Variants in RAB38 observed in about 807,000 individuals in gnomAD.
RAB38 encodes ras-related protein Rab-38.
RAB38 carries 15 observed loss-of-function variants against 18.4 expected under a neutral mutation model. That is an observed-to-expected ratio of 0.82 (90% CI 0.55 to 1.26). RAB38 has a LOEUF of 1.26. Among genes scored for constraint, RAB38 ranks in the 50% most tolerant of loss-of-function variants. The pLI is 0.00. For missense variants in RAB38, 294 were observed against 267.4 expected (o/e 1.10, Z -0.69); for synonymous variants, 101 against 104.4 (o/e 0.97, Z 0.20).
the RAB38 span, among the ~76,000 whole-genome samples, chr11:88,034,087 A>T: frequency 6.6e-6 from 1 of 152,268 alleles, no homozygotes; most frequent in African/African-American, 2.4e-5. Context: ...GGCAACCACT[A>T]ATCTGTTTTC....
the RAB38 span, among the ~76,000 whole-genome samples, chr11:88,087,253 A>T: frequency 6.6e-6 from 1 of 151,940 alleles, no homozygotes; most frequent in Non-Finnish European, 1.5e-5. Context: ...CTACTCAGGG[A>T]AGAGACCACA....
At chr11:87,920,172 T>C in the RAB38 span, among the ~76,000 whole-genome samples, 1 of 152,064 alleles carries the variant, frequency 6.6e-6, no homozygotes, top group Non-Finnish European at 1.5e-5. Context: ...ATTATTTTCT[T>C]CCTTCTGCTA....
chr11:88,004,103 T>A, the RAB38 span, among the ~76,000 whole-genome samples: 11 of 146,536 alleles, frequency 7.5e-5, no homozygotes, highest in African/African-American at 2.7e-4. Flanking sequence ...TTACTAATTT[T>A]ATGAAACCTC....
chr11:88,133,536 C>T (rs1466136461), intron 2 of RAB38, among the ~76,000 whole-genome samples: 2 of 152,124 alleles, frequency 1.3e-5, no homozygotes, highest in African/African-American at 4.8e-5. Context: ...TCCTGTTACA[C>T]CCTAGACACC....
At chr11:88,084,990 T>A in the RAB38 span, among the ~76,000 whole-genome samples, 6 of 151,860 alleles carry the variant, frequency 4.0e-5, no homozygotes, top group African/African-American at 1.4e-4. Flanking sequence ...TAGAAATAGA[T>A]GATGCCCAAA....
intron 2 of RAB38, among the ~76,000 whole-genome samples, chr11:88,131,171 G>A (rs940047861): frequency 1.3e-5 from 2 of 152,100 alleles, no homozygotes; most frequent in African/African-American, 4.8e-5. Context: ...ATATGGTATT[G>A]TTCAGTTATT....
At chr11:87,823,623 T>A in the RAB38 span, among the ~76,000 whole-genome samples, 246 of 152,322 alleles carry the variant, frequency 1.6e-3, 1 homozygote, top group African/African-American at 5.5e-3. Context: ...TGTCAATTGA[T>A]TTTTGACAAA....
At chr11:87,814,811 G>A in the RAB38 span, among the ~76,000 whole-genome samples, 4 of 150,584 alleles carry the variant, frequency 2.7e-5, no homozygotes, top group Non-Finnish European at 4.4e-5. Context: ...TCGGCTCACC[G>A]CAAGCTCTGC....
At chr11:88,110,455 G>A (rs779344341), downstream of RAB38, among the ~76,000 whole-genome samples, 1 of 152,034 alleles carries the variant, frequency 6.6e-6, no homozygotes, top group Non-Finnish European at 1.5e-5. Flanking sequence ...AAACCACCAT[G>A]GCACATGTAT....
chr11:87,878,246 C>T, the RAB38 span, among the ~76,000 whole-genome samples: 2 of 77,448 alleles, frequency 2.6e-5, no homozygotes, highest in Non-Finnish European at 2.3e-5. Context: ...TACACACACA[C>T]CTATCATCTA....
chr11:88,045,750 C>T, the RAB38 span, among the ~76,000 whole-genome samples: 1 of 152,218 alleles, frequency 6.6e-6, no homozygotes, highest in African/African-American at 2.4e-5. Context: ...CCGTCCCCTT[C>T]TTAATCAATA....
intron 2 of RAB38, among the ~76,000 whole-genome samples, chr11:88,143,843 A>C (rs1942948238): frequency 6.6e-6 from 1 of 152,230 alleles, no homozygotes; most frequent in Admixed American, 6.5e-5. Flanking sequence ...CCTATTATAC[A>C]GTATCTTAGT....
intron 1 of RAB38, among the ~76,000 whole-genome samples, chr11:88,168,108 C>G (rs11608067): frequency 6.6e-6 from 1 of 151,952 alleles, no homozygotes; most frequent in African/African-American, 2.4e-5. Context: ...CACCAAACCA[C>G]TTTTACTAAG....
intron 1 of RAB38, among the ~76,000 whole-genome samples, chr11:88,169,031 GGAGGCAGAGATT>G (rs1943277525): frequency 6.6e-6 from 1 of 152,224 alleles, no homozygotes; most frequent in South Asian, 2.1e-4. Context: ...GAGAACTGGA[GGAGGCAGAGATT>G]AGAGCTAGCT....
chr11:88,027,796 C>T, the RAB38 span, among the ~76,000 whole-genome samples: 2 of 152,198 alleles, frequency 1.3e-5, no homozygotes, highest in Non-Finnish European at 2.9e-5. Context: ...CCTCTGGGGG[C>T]AGGGAACAGA....
At chr11:87,946,841 C>G in the RAB38 span, among the ~76,000 whole-genome samples, 5 of 152,306 alleles carry the variant, frequency 3.3e-5, no homozygotes, top group East Asian at 7.7e-4. Flanking sequence ...AATAGTGCCG[C>G]TATAAACATA....
chr11:87,887,457 C>A, the RAB38 span, among the ~76,000 whole-genome samples: 2 of 151,966 alleles, frequency 1.3e-5, no homozygotes, highest in East Asian at 2.0e-4. Context: ...ATTTGAAAAG[C>A]AATACAATAT....
At chr11:88,086,108 G>T in the RAB38 span, among the ~76,000 whole-genome samples, 2 of 151,724 alleles carry the variant, frequency 1.3e-5, no homozygotes, top group Admixed American at 6.6e-5. Flanking sequence ...ATCTTGTAAG[G>T]CTATTGTGAA....
the RAB38 span, among the ~76,000 whole-genome samples, chr11:87,853,415 G>A: frequency 1.3e-5 from 2 of 152,158 alleles, no homozygotes; most frequent in East Asian, 3.9e-4. Flanking sequence ...CAGTGAGAAG[G>A]TGGCTATCTG....
Sources: gnomAD v4.1 joint callset for allele counts (sites outside exome capture counted in the v4.1 genomes callset) on GRCh38, gnomAD v4.1.1 for gene constraint, MANE v1.5 for transcripts, NCBI Gene and HGNC (gene_info 2026-07-23, HGNC 2026-07-21) for gene names.